The following GORASP2 variants were observed in gnomAD, a reference collection of about 807,000 sequenced individuals.
GORASP2 encodes golgi reassembly stacking protein 2.
In GORASP2, 22 loss-of-function variants were observed where a neutral mutation model predicts 45.7. The ratio of observed to expected loss-of-function variants is 0.48; its 90% confidence interval spans 0.34 to 0.69. The LOEUF is 0.69. Ranked by LOEUF, GORASP2 falls within the 30% of genes least tolerant of loss-of-function variation. The pLI is 0.01. For missense variants in GORASP2, 491 were observed against 562.7 expected (o/e 0.87, Z 1.29); for synonymous variants, 221 against 215.6 (o/e 1.02, Z -0.22).
chr2:170,963,425 C>CGCTGCTGCTGCT (rs1443357509), intron 9 of GORASP2, among the ~76,000 whole-genome samples: 1 of 146,590 alleles, frequency 6.8e-6, no homozygotes, highest in African/African-American at 2.7e-5. Context: ...TCTCAGTCCC[C>CGCTGCTGCTGCT]GCTGCTACTG....
intron 6 of GORASP2, among the ~76,000 whole-genome samples, 181 bp from the exon 7 acceptor site, chr2:170,956,255 A>G (rs1405805472): frequency 3.3e-5 from 5 of 152,230 alleles, no homozygotes; most frequent in African/African-American, 1.2e-4. Context: ...CTTACAGTGC[A>G]TGGTCCGTGA....
chr2:170,945,220 G>A (rs1704155637), intron 1 of GORASP2, among the ~76,000 whole-genome samples: 1 of 152,080 alleles, frequency 6.6e-6, no homozygotes, highest in Non-Finnish European at 1.5e-5. Flanking sequence ...TAGTGCTTTG[G>A]GAGGCTGAGA....
chr2:170,957,130 C>A (rs1395154943), intron 7 of GORASP2, among the ~76,000 whole-genome samples: 1 of 152,168 alleles, frequency 6.6e-6, no homozygotes, highest in South Asian at 2.1e-4. Flanking sequence ...AAAGCCAGGA[C>A]TCTGAGTTGA....
chr2:170,955,789 C>T (rs1704411978), intron 6 of GORASP2, among the ~76,000 whole-genome samples: 1 of 152,208 alleles, frequency 6.6e-6, no homozygotes, highest in African/African-American at 2.4e-5. Flanking sequence ...CAGTGACTAG[C>T]AGCTGGGCAA....
At chr2:170,940,065 A>G (rs1704038036) in intron 1 of GORASP2, among the ~76,000 whole-genome samples, 1 of 152,184 alleles carries the variant, frequency 6.6e-6, no homozygotes, top group African/African-American at 2.4e-5. Context: ...TTATGTGTGG[A>G]AAAGGAATAT....
intron 9 of GORASP2, among the ~76,000 whole-genome samples, chr2:170,964,552 G>T (rs1360877108): frequency 1.3e-5 from 2 of 151,922 alleles, no homozygotes; most frequent in Non-Finnish European, 2.9e-5. Context: ...ACTCGGGAAG[G>T]TGAGGCAGGA....
At chr2:170,942,552 G>A (rs935464676) in intron 1 of GORASP2, among the ~76,000 whole-genome samples, 7 of 152,082 alleles carry the variant, frequency 4.6e-5, no homozygotes, top group African/African-American at 1.7e-4. Flanking sequence ...AGCGTGCATT[G>A]GTACTTCATC....
intron 5 of GORASP2, among the ~76,000 whole-genome samples, chr2:170,952,100 G>A (rs1013369588): frequency 6.6e-6 from 1 of 152,190 alleles, no homozygotes; most frequent in Admixed American, 6.5e-5. Flanking sequence ...CAGAGAAGCT[G>A]CTATATTTGA....
chr2:170,937,160 A>G (rs1703977324), intron 1 of GORASP2, among the ~76,000 whole-genome samples: 1 of 151,948 alleles, frequency 6.6e-6, no homozygotes, highest in African/African-American at 2.4e-5. Flanking sequence ...GTGAGCCGAG[A>G]TGGTGCCACT....
chr2:170,939,591 T>C (rs34342928), intron 1 of GORASP2, among the ~76,000 whole-genome samples: 31,704 of 152,162 alleles, frequency 0.21, 3,935 homozygotes, highest in Non-Finnish European at 0.29. Context: ...TATTAGTTAT[T>C]GTTGTTAATC....
chr2:170,937,220 AT>A (rs1246889876), intron 1 of GORASP2, among the ~76,000 whole-genome samples: 1 of 151,768 alleles, frequency 6.6e-6, no homozygotes, highest in Non-Finnish European at 1.5e-5. Context: ...AAAAAAAAAA[AT>A]TTTTAGAGAC....
chr2:170,937,234 G>A (rs569781563), intron 1 of GORASP2, among the ~76,000 whole-genome samples: 2 of 152,128 alleles, frequency 1.3e-5, no homozygotes, highest in East Asian at 1.9e-4. Context: ...TTAGAGACCC[G>A]GTTTTGCTCT....
At position 170,929,316 on chromosome 2, in the gene GORASP2, T is replaced by C. The variant is rs1429040716; in HGVS notation, c.-25T>C. The C allele has an allele frequency of 3.7e-6, 5 of 1,346,946 alleles. No homozygotes were observed. The highest frequency in any genetic ancestry group is 1.5e-5 in the African/African-American group (1 of 65,346). The allele number at this position is 1,346,946 out of a possible 1,614,324, so 83.4% of individuals were successfully genotyped here. A position where few individuals can be genotyped will look rare whatever the true frequency, so the allele number is the denominator to read the frequency against. Reference sequence around the variant, plus strand: ...GGGCGGGAGCAGCGCGGAGCCCGGCTCGGCCACACCGATCGCCCGCCGCCA... The same window carrying C: ...GGGCGGGAGCAGCGCGGAGCCCGGCCCGGCCACACCGATCGCCCGCCGCCA... On this transcript the variant is annotated 5_prime_UTR_variant, in exon 1 of 10. Transcript: ENST00000234160.
intron 2 of GORASP2, 102 bp downstream of exon 2, chr2:170,948,532 A>G (rs1704227958): frequency 1.6e-6 from 1 of 641,716 alleles, no homozygotes; most frequent in Admixed American, 3.1e-5. Flanking sequence ...TACAATCATT[A>G]TGTGTAGTAT....
intron 7 of GORASP2, among the ~76,000 whole-genome samples, chr2:170,959,821 CTTTTT>C (rs35210942): frequency 8.0e-6 from 1 of 124,550 alleles, no homozygotes; most frequent in African/African-American, 3.0e-5. Context: ...TCACCTTTTT[CTTTTT>C]TTTTTTTTTT....
intron 1 of GORASP2, among the ~76,000 whole-genome samples, chr2:170,937,288 A>G (rs530744820): frequency 5.7e-4 from 86 of 152,116 alleles, no homozygotes; most frequent in South Asian, 1.7e-3. Context: ...AGCTCACCGC[A>G]GCCTCGACTT....
At chr2:170,930,984 A>AC (rs1413740483) in intron 1 of GORASP2, among the ~76,000 whole-genome samples, 4 of 120,802 alleles carry the variant, frequency 3.3e-5, no homozygotes, top group Middle Eastern at 8.1e-3. Context: ...AAAAAAAAAA[A>AC]AAAAAAGTCG....
In GORASP2 at chr2:170,963,003, A is replaced by G. The variant is rs1444090912; in HGVS notation, c.1018+57A>G. On this transcript the variant is annotated intron_variant, in intron 9 of 9. Coordinates refer to ENST00000234160, the MANE Select transcript of GORASP2 (RefSeq NM_015530.5). ...TCTCTAATAAAAGTTTTATTCAGGA[A>G]TGCCCATCCTCTTCAGTTTTTTCTG... The G allele has an allele frequency of 2.7e-6, 3 of 1,122,646 alleles. No individual in the cohort carries two copies. The African/African-American group carries it at 4.6e-5, about 17-fold the overall frequency. 69.5% of individuals were successfully genotyped at this position (1,122,646 alleles called of 1,614,324 possible). A position where few individuals can be genotyped will look rare whatever the true frequency, so the allele number is the denominator to read the frequency against.
chr2:170,931,523 T>A (rs1703822646), intron 1 of GORASP2, among the ~76,000 whole-genome samples: 1 of 152,204 alleles, frequency 6.6e-6, no homozygotes, highest in Non-Finnish European at 1.5e-5. Context: ...ATTCAACAAG[T>A]TCTAGAACGA....
Sources: allele counts gnomAD v4.1 joint callset (sites outside exome capture counted in the v4.1 genomes callset), GRCh38; gene constraint gnomAD v4.1.1; transcripts MANE v1.5; gene names NCBI Gene and HGNC (gene_info 2026-07-23, HGNC 2026-07-21).